Variants in UNKL observed in about 807,000 individuals in gnomAD.
The protein encoded by UNKL is unk like zinc finger.
In UNKL, 60 loss-of-function variants were observed where a neutral mutation model predicts 78.0. The observed-to-expected ratio is 0.77, with a 90% CI of 0.63 to 0.95. The LOEUF is 0.95. UNKL is among the 40% of genes least tolerant of loss of function. The probability of loss-of-function intolerance (pLI) is 0.00; values close to 1 mark genes in which losing one functional copy is unlikely to be tolerated. For synonymous variants in UNKL, 608 were observed against 474.8 expected (o/e 1.28, Z -3.65); for missense variants, 1,159 against 1,045.7 (o/e 1.11, Z -1.49).
At position 1,400,185 on chromosome 16, in the gene UNKL, C is replaced by T. The variant is rs546714040; in HGVS notation, c.599-676G>A. On this transcript the variant is annotated intron_variant, in intron 4 of 14. Coordinates refer to ENST00000389221, the MANE Select transcript of UNKL (RefSeq NM_001372107.1). Reference sequence around the variant, plus strand: ...CCTGTTATCCCAGCACTTTGGGAGGCCGAGGTGGGTGGATCACAAGGTCAG... The same window carrying T: ...CCTGTTATCCCAGCACTTTGGGAGGTCGAGGTGGGTGGATCACAAGGTCAG... 1.9e-4 allele frequency among the ~76,000 whole-genome samples: 29 copies of T among 152,104 alleles called. No homozygotes were observed. In the South Asian group the frequency reaches 5.8e-3, roughly 31 times the overall value.
chr16:1,377,814 G>A (rs752627066), intron 10 of UNKL, among the ~76,000 whole-genome samples: 4 of 151,988 alleles, frequency 2.6e-5, no homozygotes, highest in Non-Finnish European at 5.9e-5. Context: ...CAGACACCAC[G>A]TGTGCAGGGG....
Position 1,399,884 on chromosome 16 carries a change from A to C in UNKL, c.599-375T>G, listed in dbSNP as rs2037441674. Among the ~76,000 whole-genome samples, 1 of 152,118 alleles carries C rather than the reference A, an allele frequency of 6.6e-6. No homozygotes were observed. The highest frequency in any genetic ancestry group is 1.5e-5 in the Non-Finnish European group (1 of 68,028). ...TGATGTGTGCACAGCTTTTGAGAAT[A>C]TGCTAAAATCCAGAGACATGCACAC... is the stretch of plus-strand genomic sequence containing the variant. On this transcript the variant is annotated intron_variant, in intron 4 of 14. Coordinates refer to ENST00000389221, the MANE Select transcript of UNKL (RefSeq NM_001372107.1). The surrounding 1 kb of genome is among the most constrained non-coding windows in gnomAD (Gnocchi z 5.8).
chr16:1,368,549 C>T (rs1268731479), intron 12 of UNKL, among the ~76,000 whole-genome samples: 1 of 139,482 alleles, frequency 7.2e-6, no homozygotes, highest in Non-Finnish European at 1.5e-5. Context: ...TTGCAGTGAG[C>T]CGAGATTGCG....
rs1440922149 is a variant in UNKL, at chr16:1,365,399, C to A, written c.*841G>T. 1 of 152,262 alleles carries A rather than the reference C, an allele frequency of 6.6e-6. No individual in the cohort carries two copies. Among genetic ancestry groups the A allele is most frequent in the Admixed American group, 6.5e-5 (1 of 15,286 alleles). The allele number at this position is 152,262 out of a possible 1,614,324, so 9.4% of individuals were successfully genotyped here. On this transcript the variant is annotated 3_prime_UTR_variant, in exon 15 of 15. Coordinates refer to ENST00000389221, the MANE Select transcript of UNKL (RefSeq NM_001372107.1). Reference sequence around the variant, plus strand: ...CAGAGGGTTAAGGGAGAAAACAAAACCCATGATGCTCCTTCACTTGCTCTC... The same window carrying A: ...CAGAGGGTTAAGGGAGAAAACAAAAACCATGATGCTCCTTCACTTGCTCTC...
chr16:1,378,772 C>G (rs1037828020), intron 10 of UNKL: 6 of 152,142 alleles, frequency 3.9e-5, no homozygotes, highest in Non-Finnish European at 7.3e-5. Flanking sequence ...GCCCCTCATC[C>G]AAAGAGAGCA....
Position 1,399,451 on chromosome 16 carries a change from C to G in UNKL, c.657G>C (p.Leu219=), listed in dbSNP as rs757988079. The change falls in exon 5 of 15, where the codon CTG becomes CTC. Residue 219 remains leucine, a synonymous_variant. Coordinates refer to ENST00000389221, the MANE Select transcript of UNKL (RefSeq NM_001372107.1). This position sits in a 1 kb window ranked among gnomAD's most constrained non-coding sequence, Gnocchi z 5.8. ...GTGGGCACGCATAGCCCTGGCGGCA[C>G]AGGCGTGGCGGCTTCGGGCACTGCT... ...KTEQCPKPPR[L]CRQGYACPHY... 2 of 1,604,586 alleles carry G rather than the reference C, an allele frequency of 1.2e-6. No individual in the cohort carries two copies. The highest frequency in any genetic ancestry group is 2.7e-5 in the African/African-American group (2 of 74,726).
At chr16:1,398,970 C>G (rs989257088) in intron 5 of UNKL, 32 of 1,510,034 alleles carry the variant, frequency 2.1e-5, no homozygotes, top group Middle Eastern at 3.6e-4. Context: ...GCCCAGGTGA[C>G]GACAGTGCCT....
rs1398506901 is a variant in UNKL, at chr16:1,401,705, C to T, written c.465-4G>A. ...GGCTTCCTGGGCCTGCAGCTCCCTG[C>T]AAGCCGAGGACACAGTGGTCACAGC... On this transcript the variant is annotated splice_region_variant and splice_polypyrimidine_tract_variant and intron_variant, in intron 3 of 14. Coordinates refer to ENST00000389221, the MANE Select transcript of UNKL (RefSeq NM_001372107.1). The T allele has an allele frequency of 4.4e-6, 7 of 1,607,200 alleles. No individual in the cohort carries two copies. The highest frequency in any genetic ancestry group is 2.2e-5 in the East Asian group (1 of 44,808).
At chr16:1,404,557 C>G (rs1049501573) in intron 2 of UNKL, among the ~76,000 whole-genome samples, 2 of 152,136 alleles carry the variant, frequency 1.3e-5, no homozygotes, top group Non-Finnish European at 2.9e-5. Context: ...CAGGAGCCAG[C>G]CAAGCAAAAG....
intron 9 of UNKL, among the ~76,000 whole-genome samples, chr16:1,389,626 G>C (rs866248958): frequency 2.7e-5 from 4 of 147,426 alleles, no homozygotes; most frequent in Admixed American, 6.8e-5. Context: ...AATGAGGTGT[G>C]GGGGCAGGGC....
intron 10 of UNKL, among the ~76,000 whole-genome samples, chr16:1,378,251 C>T (rs1456877737): frequency 6.6e-6 from 1 of 152,200 alleles, no homozygotes; most frequent in Admixed American, 6.5e-5. Flanking sequence ...GCAGGCCTGC[C>T]CACAGCCCCC....
In UNKL at chr16:1,403,334, G is replaced by C; in HGVS notation, c.298C>G (p.Leu100Val). ...TCTGTGTCCCCCGTCGTCCGGTGCA[G>C]GTAGGGACACCTGGGGAGCAGAGAG... ...VCPDGDECPY[L>V]HRTTGDTERK... Residue 100 changes from leucine (L) to valine (V), a missense_variant, in exon 3 of 15, where the codon CTG (leucine) becomes GTG (valine). By Grantham distance (32) the Leu-to-Val change is conservative. Transcript: ENST00000389221. The surrounding 1 kb of genome is among the most constrained non-coding windows in gnomAD (Gnocchi z 4.8). The C allele has an allele frequency of 6.2e-7, 1 of 1,614,112 alleles. No homozygotes were observed. Among genetic ancestry groups the C allele is most frequent in the Non-Finnish European group, 8.5e-7 (1 of 1,179,986 alleles).
At chr16:1,372,284 CAAAAAA>C (rs752678819) in intron 10 of UNKL, among the ~76,000 whole-genome samples, 2 of 148,660 alleles carry the variant, frequency 1.3e-5, no homozygotes, top group African/African-American at 4.9e-5. Flanking sequence ...AAAACAAAAA[CAAAAAA>C]AAAACTTTCT....
At chr16:1,402,366 G>C (rs987126399) in intron 3 of UNKL, among the ~76,000 whole-genome samples, 1 of 152,064 alleles carries the variant, frequency 6.6e-6, no homozygotes, top group African/African-American at 2.4e-5. Flanking sequence ...TGTCTCATTA[G>C]AAATAACATC....
chr16:1,402,047 G>A (rs140490618), intron 3 of UNKL, among the ~76,000 whole-genome samples: 368 of 152,362 alleles, frequency 2.4e-3, no homozygotes, highest in Middle Eastern at 3.4e-3. Flanking sequence ...ACATGTATGG[G>A]CCACTATGCT....
intron 10 of UNKL, among the ~76,000 whole-genome samples, chr16:1,380,260 C>T (rs779512857): frequency 6.6e-6 from 1 of 152,184 alleles, no homozygotes; most frequent in Non-Finnish European, 1.5e-5. Context: ...ACACCTACAA[C>T]CTGAAGGAAA....
At position 1,364,893 on chromosome 16, in the gene UNKL, C is replaced by CT. The variant is rs372118007; in HGVS notation, c.*1346dup. The CT allele has an allele frequency of 1.8e-4, 27 of 152,514 alleles. 1 individual carries two copies. Among genetic ancestry groups the CT allele is most frequent in the African/African-American group, 6.5e-4 (27 of 41,552 alleles). The allele number at this position is 152,514 out of a possible 1,614,324, so 9.4% of individuals were successfully genotyped here. ...CACGGGTGCTGGGGAGGCAACCACT[C>CT]TCCCAGTTCACTGCCTGACCCCTGC... On this transcript the variant is annotated 3_prime_UTR_variant, in exon 15 of 15. Coordinates refer to ENST00000389221, the MANE Select transcript of UNKL (RefSeq NM_001372107.1).
In UNKL at chr16:1,365,038, G is replaced by A. The variant is rs1567190908; in HGVS notation, c.*1202C>T. ...AGCCAGAGTCTCGCTCTGTCACCCG[G>A]GCTGGAGTGCGGTGGCGCGATCTCG... On this transcript the variant is annotated 3_prime_UTR_variant, in exon 15 of 15. Coordinates refer to ENST00000389221, the MANE Select transcript of UNKL (RefSeq NM_001372107.1). The A allele has an allele frequency of 6.6e-6, 1 of 151,526 alleles. No homozygotes were observed. The highest frequency in any genetic ancestry group is 1.5e-5 in the Non-Finnish European group (1 of 68,122). The allele number at this position is 151,526 out of a possible 1,614,324, so 9.4% of individuals were successfully genotyped here. A position where few individuals can be genotyped will look rare whatever the true frequency, so the allele number is the denominator to read the frequency against.
chr16:1,380,492 A>G (rs1596695291), intron 10 of UNKL, among the ~76,000 whole-genome samples: 1 of 152,074 alleles, frequency 6.6e-6, no homozygotes, highest in South Asian at 2.1e-4. Context: ...TAGTGCAGGG[A>G]TGTAACTTTA....
Sources: allele counts gnomAD v4.1 joint callset (sites outside exome capture counted in the v4.1 genomes callset), GRCh38; gene constraint gnomAD v4.1.1; non-coding constraint Gnocchi (gnomAD v3.1); transcripts MANE v1.5; gene names NCBI Gene and HGNC (gene_info 2026-07-23, HGNC 2026-07-21).